The following AUTS2 variants were observed in gnomAD, a reference collection of about 807,000 sequenced individuals.
AUTS2 encodes activator of transcription and developmental regulator AUTS2, also known as autism susceptibility gene 2 protein.
A neutral mutation model predicts 112.4 loss-of-function variants in AUTS2; 17 were observed. The observed-to-expected ratio is 0.15, with a 90% CI of 0.10 to 0.23. The LOEUF is 0.23. Among genes scored for constraint, AUTS2 ranks in the 10% least tolerant of loss-of-function variants. AUTS2 has a pLI of 1.00. For synonymous variants in AUTS2, 751 were observed against 702.7 expected (o/e 1.07, Z -1.09); for missense variants, 1,510 against 1,701.6 (o/e 0.89, Z 1.98).
chr7:70,609,275 T>C (rs1423950602), intron 5 of AUTS2, among the ~76,000 whole-genome samples: 1 of 152,138 alleles, frequency 6.6e-6, no homozygotes, highest in African/African-American at 2.4e-5. Flanking sequence ...TAGCTCAACT[T>C]TTTTAGATTC....
chr7:70,385,216 AC>A (rs1198306413), intron 4 of AUTS2, among the ~76,000 whole-genome samples: 1 of 152,238 alleles, frequency 6.6e-6, no homozygotes, highest in African/African-American at 2.4e-5. Context: ...AAAGACAAGT[AC>A]CATACTTTAT....
chr7:70,334,633 G>A (rs768029917), intron 4 of AUTS2, among the ~76,000 whole-genome samples: 5 of 152,174 alleles, frequency 3.3e-5, no homozygotes, highest in African/African-American at 7.2e-5. Flanking sequence ...ACTAGGAATT[G>A]TACGCCTTGC....
intron 2 of AUTS2, among the ~76,000 whole-genome samples, chr7:70,013,338 G>A (rs1042789262): frequency 6.6e-6 from 1 of 152,170 alleles, no homozygotes; most frequent in African/African-American, 2.4e-5. Context: ...ACTCAAAGCA[G>A]CCAGCAGAGA....
intron 1 of AUTS2, among the ~76,000 whole-genome samples, chr7:69,831,427 T>C (rs1019554982): frequency 5.9e-5 from 9 of 151,772 alleles, no homozygotes; most frequent in African/African-American, 2.2e-4. Context: ...CAAAAAACAG[T>C]TGGAACAGCT....
intron 2 of AUTS2, among the ~76,000 whole-genome samples, chr7:70,058,805 C>T (rs541417713): frequency 6.6e-6 from 1 of 151,944 alleles, no homozygotes; most frequent in East Asian, 1.9e-4. Flanking sequence ...AAGTGTATCC[C>T]GTTTTATGTA....
intron 4 of AUTS2, among the ~76,000 whole-genome samples, chr7:70,217,628 G>A (rs1334240750): frequency 2.0e-5 from 3 of 152,178 alleles, no homozygotes; most frequent in Non-Finnish European, 4.4e-5. Flanking sequence ...ATGAGGTAAA[G>A]GTTATTCATC....
intron 1 of AUTS2, among the ~76,000 whole-genome samples, chr7:69,780,482 G>C (rs917263945): frequency 6.6e-6 from 1 of 152,328 alleles, no homozygotes; most frequent in Middle Eastern, 3.4e-3. Context: ...TCCTGGGAAG[G>C]ATGATGTAAC....
chr7:70,426,942 T>C (rs1167052189), intron 4 of AUTS2, among the ~76,000 whole-genome samples: 1 of 149,726 alleles, frequency 6.7e-6, no homozygotes, highest in Non-Finnish European at 1.5e-5. Context: ...TTTATTAGCT[T>C]ACACAGGACT....
At chr7:70,341,675 G>T (rs1033285174) in intron 4 of AUTS2, among the ~76,000 whole-genome samples, 1 of 152,232 alleles carries the variant, frequency 6.6e-6, no homozygotes, top group Non-Finnish European at 1.5e-5. Context: ...ATCACCTCAT[G>T]TGAAACCAAT....
chr7:69,694,691 A>G (rs1647340836), intron 1 of AUTS2, among the ~76,000 whole-genome samples: 1 of 152,170 alleles, frequency 6.6e-6, no homozygotes, highest in South Asian at 2.1e-4. Flanking sequence ...GTTGTTCTGT[A>G]TTTGGGTGCT....
chr7:70,450,277 AT>A (rs573651927), intron 5 of AUTS2, among the ~76,000 whole-genome samples: 43 of 152,340 alleles, frequency 2.8e-4, no homozygotes, highest in South Asian at 1.0e-3. Context: ...AGGTACCTAG[AT>A]GAATTACAAG....
intron 15 of AUTS2, chr7:70,781,991 G>A: frequency 1.8e-6 from 1 of 543,550 alleles, no homozygotes; most frequent in Non-Finnish European, 3.2e-6. Flanking sequence ...GATTCACATT[G>A]CTTCGGTTCA....
At position 70,622,194 on chromosome 7, in the gene AUTS2, C is replaced by T. The variant is rs149918919; in HGVS notation, c.691-76375C>T. On this transcript the variant is annotated intron_variant, in intron 5 of 18. Transcript: ENST00000342771. The stretch of plus-strand genomic sequence containing the variant: ...CAAGTTCCTCTGGCTATTCTTGGAG[C>T]GGAGATGTCCTGGCAACTTCATTTC... 7.9e-5 allele frequency among the ~76,000 whole-genome samples: 12 copies of T among 152,058 alleles called. No homozygotes were observed. The East Asian group carries it at 1.5e-3, about 20-fold the overall frequency.
At chr7:70,325,377 C>A (rs551858911) in intron 4 of AUTS2, among the ~76,000 whole-genome samples, 2 of 152,146 alleles carry the variant, frequency 1.3e-5, no homozygotes, top group South Asian at 4.2e-4. Context: ...AAATATTTTT[C>A]TTATGTAAAG....
chr7:70,587,215 CA>C (rs1802727981), intron 5 of AUTS2, among the ~76,000 whole-genome samples: 1 of 152,110 alleles, frequency 6.6e-6, no homozygotes, highest in Non-Finnish European at 1.5e-5. Flanking sequence ...GTAGCTGGAA[CA>C]AGAGGAACAT....
chr7:70,621,688 A>T (rs1428135820), intron 5 of AUTS2, among the ~76,000 whole-genome samples: 1 of 152,158 alleles, frequency 6.6e-6, no homozygotes, highest in Non-Finnish European at 1.5e-5. Context: ...TAAACTGATG[A>T]TCATGTCTGA....
At chr7:69,771,873 C>T (rs1378891856) in intron 1 of AUTS2, among the ~76,000 whole-genome samples, 3 of 151,724 alleles carry the variant, frequency 2.0e-5, no homozygotes, top group Admixed American at 1.3e-4. Flanking sequence ...CAACCTCCAC[C>T]TCCTGGGTTC....
intron 2 of AUTS2, among the ~76,000 whole-genome samples, chr7:70,114,900 G>T (rs948418314): frequency 1.8e-4 from 28 of 152,144 alleles, no homozygotes; most frequent in Admixed American, 2.0e-4. Context: ...ACTGTAGTCA[G>T]TTCATTTCTT....
intron 2 of AUTS2, among the ~76,000 whole-genome samples, chr7:69,998,747 T>G (rs1337125680): frequency 6.6e-6 from 1 of 152,192 alleles, no homozygotes; most frequent in Non-Finnish European, 1.5e-5. Flanking sequence ...CTTAAAAGTA[T>G]TTTGGAAGGT....
Sources: gnomAD v4.1 joint callset for allele counts (sites outside exome capture counted in the v4.1 genomes callset) on GRCh38, gnomAD v4.1.1 for gene constraint, MANE v1.5 for transcripts, NCBI Gene and HGNC (gene_info 2026-07-23, HGNC 2026-07-21) for gene names.